Variants in CAMTA1 observed in about 807,000 individuals in gnomAD.
The protein encoded by CAMTA1 is calmodulin-binding transcription activator 1.
Under a neutral mutation model 170.9 loss-of-function variants are expected in CAMTA1, and 27 were observed. The ratio of observed to expected loss-of-function variants is 0.16; its 90% CI spans 0.12 to 0.22. The LOEUF is 0.22. Ranked by LOEUF, CAMTA1 falls within the 10% of genes least tolerant of loss-of-function variation. The pLI is 1.00. For missense variants in CAMTA1, 1,619 were observed against 2,217.2 expected, an observed-to-expected ratio of 0.73 and a Z score of 5.42; for synonymous variants, 833 against 891.5, an observed-to-expected ratio of 0.93 and a Z score of 1.17.
intron 5 of CAMTA1, among the ~76,000 whole-genome samples, chr1:7,290,921 T>TG (rs1477374163): frequency 8.6e-5 from 13 of 152,032 alleles, no homozygotes; most frequent in South Asian, 2.1e-4. Context: ...TGGGGGCTCC[T>TG]GGGGGGGTGA....
At chr1:6,982,611 A>T (rs2149657383) in intron 3 of CAMTA1, among the ~76,000 whole-genome samples, 1 of 152,194 alleles carries the variant, frequency 6.6e-6, no homozygotes, top group African/African-American at 2.4e-5. Context: ...TTGTCTCATG[A>T]TCTAGCGCCC....
intron 1 of CAMTA1, among the ~76,000 whole-genome samples, chr1:6,814,075 C>T (rs1645503023): frequency 1.3e-5 from 2 of 152,246 alleles, no homozygotes; most frequent in Admixed American, 1.3e-4. Flanking sequence ...ACAAGCCAGA[C>T]ATCCTTTCAA....
At chr1:7,029,180 A>G (rs1354164280) in intron 3 of CAMTA1, among the ~76,000 whole-genome samples, 2 of 152,168 alleles carry the variant, frequency 1.3e-5, no homozygotes, top group Non-Finnish European at 2.9e-5. Flanking sequence ...CATTGCTCTT[A>G]TGAGCACCAT....
chr1:7,369,125 G>C (rs4908457), intron 5 of CAMTA1: 4,972 of 152,408 alleles, frequency 0.033, 108 homozygotes, highest in Non-Finnish European at 0.052. Context: ...AGGTAGGGTG[G>C]TGTCCTCAGT....
At chr1:7,209,632 C>T (rs887289563) in intron 4 of CAMTA1, among the ~76,000 whole-genome samples, 1 of 152,272 alleles carries the variant, frequency 6.6e-6, no homozygotes, top group South Asian at 2.1e-4. Context: ...AAGAGCATCA[C>T]CTACCTACTC....
chr1:7,335,158 T>TGGGGGG (rs1557537637), intron 5 of CAMTA1, among the ~76,000 whole-genome samples: 2 of 29,428 alleles, frequency 6.8e-5, no homozygotes, highest in Non-Finnish European at 6.6e-5. Context: ...GGGGGGGGGG[T>TGGGGGG]GGGGGTGGGG....
At chr1:7,439,156 G>A (rs142124313) in intron 5 of CAMTA1, among the ~76,000 whole-genome samples, 18 of 152,158 alleles carry the variant, frequency 1.2e-4, no homozygotes, top group African/African-American at 3.9e-4. Flanking sequence ...CCCAGGTGGG[G>A]TCTGCGGTCC....
intron 15 of CAMTA1, 52 bp downstream of exon 15, chr1:7,737,622 T>C (rs2096781843): frequency 2.7e-6 from 4 of 1,503,700 alleles, no homozygotes; most frequent in Non-Finnish European, 3.6e-6. Flanking sequence ...TCCCGTTTGC[T>C]TTCATGCAGC....
chr1:7,026,319 C>T (rs1187589787), intron 3 of CAMTA1, among the ~76,000 whole-genome samples: 1 of 152,006 alleles, frequency 6.6e-6, no homozygotes, highest in Non-Finnish European at 1.5e-5. Context: ...TGTGAGAATT[C>T]TGACTTCATC....
chr1:7,266,376 G>A (rs894927934), intron 5 of CAMTA1, among the ~76,000 whole-genome samples: 9 of 152,232 alleles, frequency 5.9e-5, no homozygotes, highest in African/African-American at 1.2e-4. Flanking sequence ...GGACCCCAGA[G>A]CCCTTTCCCT....
At chr1:7,069,696 G>A (rs777761220) in intron 3 of CAMTA1, among the ~76,000 whole-genome samples, 6 of 152,102 alleles carry the variant, frequency 3.9e-5, no homozygotes, top group Admixed American at 2.0e-4. Flanking sequence ...GCCTCTGAGA[G>A]TGGAGTGGGA....
intron 3 of CAMTA1, among the ~76,000 whole-genome samples, chr1:7,015,540 A>G (rs2100851242): frequency 6.6e-6 from 1 of 152,288 alleles, no homozygotes; most frequent in South Asian, 2.1e-4. Flanking sequence ...TTTAAAAATG[A>G]TCTTACAGTT....
chr1:7,145,475 A>C (rs1020515886), intron 4 of CAMTA1, among the ~76,000 whole-genome samples: 2 of 152,198 alleles, frequency 1.3e-5, no homozygotes, highest in African/African-American at 4.8e-5. Context: ...GTAACTTCAG[A>C]GAGAAAATGG....
At chr1:7,375,761 A>G (rs954566525) in intron 5 of CAMTA1, among the ~76,000 whole-genome samples, 7 of 152,222 alleles carry the variant, frequency 4.6e-5, no homozygotes, top group Non-Finnish European at 7.3e-5. Context: ...TTTGTTTGTG[A>G]ATGTGAGAAT....
chr1:7,291,158 G>A (rs1414788947), intron 5 of CAMTA1, among the ~76,000 whole-genome samples: 2 of 152,182 alleles, frequency 1.3e-5, no homozygotes, highest in Non-Finnish European at 2.9e-5. Flanking sequence ...TGAAAGCCTA[G>A]AAGGACCTTC....
At chr1:7,227,623 C>G (rs1344823256) in intron 4 of CAMTA1, among the ~76,000 whole-genome samples, 1 of 152,200 alleles carries the variant, frequency 6.6e-6, no homozygotes, top group Non-Finnish European at 1.5e-5. Flanking sequence ...GCCATTGCTC[C>G]CAGCCGAACT....
chr1:7,181,928 G>A (rs1441417370), intron 4 of CAMTA1, among the ~76,000 whole-genome samples: 3 of 151,702 alleles, frequency 2.0e-5, no homozygotes, highest in African/African-American at 7.3e-5. Context: ...ACTACTGGGA[G>A]GAATAGCTCT....
rs34768255 is a variant in CAMTA1, at chr1:7,270,291, A to ATTTT, written c.438+20677_438+20680dup. On this transcript the variant is annotated intron_variant, in intron 5 of 22. Transcript: ENST00000303635. ...CACACACACATATATATATATATAT[A>ATTTT]TTTTTTTTTTTTTTTCTTGTGAGAT... Among the ~76,000 whole-genome samples the ATTTT allele has an allele frequency of 6.0e-3, 666 of 110,506 alleles. 11 individuals are homozygous for ATTTT. Among genetic ancestry groups the ATTTT allele is most frequent in the Admixed American group, 0.026 (261 of 9,936 alleles). 72.5% of individuals were successfully genotyped at this position (110,506 alleles called of 152,430 possible).
chr1:7,446,409 A>C (rs1187637770), intron 5 of CAMTA1, among the ~76,000 whole-genome samples: 1 of 152,164 alleles, frequency 6.6e-6, no homozygotes, highest in Non-Finnish European at 1.5e-5. Flanking sequence ...GCTTGGCCTG[A>C]CTGAGGCTCA....
Sources: allele counts gnomAD v4.1 joint callset (sites outside exome capture counted in the v4.1 genomes callset), GRCh38; gene constraint gnomAD v4.1.1; transcripts MANE v1.5; gene names NCBI Gene and HGNC (gene_info 2026-07-23, HGNC 2026-07-21).